Variants in CCDC60 observed in about 807,000 individuals in gnomAD.
The protein encoded by CCDC60 is coiled-coil domain containing 60.
A neutral mutation model predicts 63.5 loss-of-function variants in CCDC60; 54 were observed. The observed-to-expected ratio is 0.85, with a 90% CI of 0.68 to 1.07. CCDC60 has a LOEUF of 1.07. Ranked by LOEUF, CCDC60 falls within the 50% of genes least tolerant of loss-of-function variation. CCDC60 has a pLI of 0.00. For missense variants in CCDC60, 651 were observed against 684.3 expected, an observed-to-expected ratio of 0.95 and a Z score of 0.54; for synonymous variants, 206 against 238.8, an observed-to-expected ratio of 0.86 and a Z score of 1.27.
At chr12:119,451,472 CCT>C (rs1950634991) in intron 2 of CCDC60, among the ~76,000 whole-genome samples, 1 of 143,102 alleles carries the variant, frequency 7.0e-6, no homozygotes, top group African/African-American at 2.5e-5. Context: ...CCTCTCTGGG[CCT>C]CAGTTTCCCC....
At chr12:119,352,189 A>C (rs1428270985) in intron 1 of CCDC60, among the ~76,000 whole-genome samples, 1 of 152,186 alleles carries the variant, frequency 6.6e-6, no homozygotes, top group Non-Finnish European at 1.5e-5. Context: ...ATGAGAATTC[A>C]TTCACTATTG....
At chr12:119,418,386 C>CTTTTTTTTTTTTTTTTTTTTTTTTT (rs556783132) in intron 1 of CCDC60, among the ~76,000 whole-genome samples, 9 of 65,752 alleles carry the variant, frequency 1.4e-4, no homozygotes, top group Admixed American at 4.1e-4. Flanking sequence ...TTCTTTCTTT[C>CTTTTTTTTTTTTTTTTTTTTTTTTT]TTTTTTTTTT....
rs376614781 is a variant in CCDC60 at position 119,505,538 on chromosome 12, A to G, written c.883+235A>G. Among the ~76,000 whole-genome samples, 133 of 152,378 alleles carry G rather than the reference A, an allele frequency of 8.7e-4. 2 individuals are homozygous for G. The Middle Eastern group carries it at 0.02, about 23-fold the overall frequency. ...CTACAGAGACAGCCTGTGGTCACCA[A>G]CTGCCCTTTTCTAATTTTAAAAATA... On this transcript the variant is annotated intron_variant, in intron 7 of 13. Transcript: ENST00000327554.
chr12:119,517,922 T>C (rs1359611022), intron 8 of CCDC60, among the ~76,000 whole-genome samples: 1 of 152,180 alleles, frequency 6.6e-6, no homozygotes, highest in East Asian at 1.9e-4. Context: ...AGGTGTGGAT[T>C]CCTTTGAGTA....
chr12:119,440,887 C>A (rs565582073), intron 2 of CCDC60, among the ~76,000 whole-genome samples: 3 of 152,314 alleles, frequency 2.0e-5, no homozygotes, highest in African/African-American at 7.2e-5. Context: ...CTCTCTCTCC[C>A]AAGGCTGTGA....
At chr12:119,448,314 C>T (rs1593102692) in intron 2 of CCDC60, among the ~76,000 whole-genome samples, 1 of 152,210 alleles carries the variant, frequency 6.6e-6, no homozygotes, top group South Asian at 2.1e-4. Flanking sequence ...TTTAAAGAGG[C>T]GATGACTCCA....
At chr12:119,533,753 C>G (rs1241805486) in intron 13 of CCDC60, among the ~76,000 whole-genome samples, 2 of 151,950 alleles carry the variant, frequency 1.3e-5, no homozygotes, top group African/African-American at 2.4e-5. Flanking sequence ...TTTTCTGAGG[C>G]CTCTGTTCTG....
At chr12:119,522,521 T>G (rs374962729) in intron 9 of CCDC60, among the ~76,000 whole-genome samples, 3 of 152,188 alleles carry the variant, frequency 2.0e-5, no homozygotes, top group East Asian at 1.9e-4. Flanking sequence ...TGTTAAGTGT[T>G]GGGCATGGAG....
chr12:119,384,687 T>C (rs1253345087), intron 1 of CCDC60, among the ~76,000 whole-genome samples: 1 of 152,234 alleles, frequency 6.6e-6, no homozygotes, highest in Non-Finnish European at 1.5e-5. Flanking sequence ...TGCAAGGGGC[T>C]GGTCCTGGGA....
chr12:119,488,076 A>C (rs1318507067), intron 4 of CCDC60, among the ~76,000 whole-genome samples: 1 of 152,190 alleles, frequency 6.6e-6, no homozygotes, highest in Non-Finnish European at 1.5e-5. Flanking sequence ...TCAGCCTCTC[A>C]AAGTGCTGGG....
chr12:119,389,646 A>G (rs927742254), intron 1 of CCDC60, among the ~76,000 whole-genome samples: 1 of 152,158 alleles, frequency 6.6e-6, no homozygotes, highest in South Asian at 2.1e-4. Context: ...CTTAGAAAAG[A>G]AGCAAGTAGA....
At chr12:119,347,321 C>T (rs1456750482) in intron 1 of CCDC60, among the ~76,000 whole-genome samples, 5 of 152,164 alleles carry the variant, frequency 3.3e-5, no homozygotes, top group Middle Eastern at 3.4e-3. Flanking sequence ...TGTTGATAAT[C>T]GTAAACAGCT....
chr12:119,465,757 C>A (rs375082356), intron 2 of CCDC60, among the ~76,000 whole-genome samples: 19 of 146,220 alleles, frequency 1.3e-4, no homozygotes, highest in South Asian at 2.2e-4. Context: ...GACTTCATCT[C>A]AAAAAAAAAA....
intron 1 of CCDC60, among the ~76,000 whole-genome samples, chr12:119,377,550 C>T (rs1955965973): frequency 6.6e-6 from 1 of 152,140 alleles, no homozygotes; most frequent in Non-Finnish European, 1.5e-5. Context: ...CCAGAAGTAA[C>T]AACTGGTCAC....
At chr12:119,440,511 C>T (rs1749097115) in intron 2 of CCDC60, among the ~76,000 whole-genome samples, 1 of 152,082 alleles carries the variant, frequency 6.6e-6, no homozygotes, top group South Asian at 2.1e-4. Flanking sequence ...GCCTGGGTGA[C>T]AGAGTGAGAC....
At chr12:119,434,211 G>A (rs1354795151) in intron 2 of CCDC60, among the ~76,000 whole-genome samples, 2 of 152,134 alleles carry the variant, frequency 1.3e-5, no homozygotes, top group African/African-American at 4.8e-5. Context: ...GCTGTGTTTG[G>A]TAGACAGCTG....
At position 119,443,806 on chromosome 12, in the gene CCDC60, CT is replaced by C. The variant is rs759401587; in HGVS notation, c.170+15049del. 6.6e-5 allele frequency among the ~76,000 whole-genome samples: 10 copies of C among 152,302 alleles called. No homozygotes were observed. The East Asian group carries it at 1.9e-3, about 29-fold the overall frequency. ...GAATCCTGGCTCTACCACCTACTAG[CT>C]TTTTGAGTATGGATGAGTTACCTAA... is the stretch of plus-strand genomic sequence containing the variant. On this transcript the variant is annotated intron_variant, in intron 2 of 13. Coordinates refer to ENST00000327554, the MANE Select transcript of CCDC60 (RefSeq NM_178499.5).
chr12:119,452,821 T>TG (rs1555244715), intron 2 of CCDC60, among the ~76,000 whole-genome samples: 1 of 151,866 alleles, frequency 6.6e-6, no homozygotes, highest in African/African-American at 2.4e-5. Flanking sequence ...CTTGTTTTTT[T>TG]TTTGTTTGTT....
At chr12:119,337,826 G>GTGTGTGTGTGTATT (rs1955488730) in intron 1 of CCDC60, among the ~76,000 whole-genome samples, 1 of 43,862 alleles carries the variant, frequency 2.3e-5, no homozygotes, top group African/African-American at 6.5e-5. Flanking sequence ...GTGTGTATTT[G>GTGTGTGTGTGTATT]TGTGTGTGTG....
Sources: gnomAD v4.1 joint callset for allele counts (sites outside exome capture counted in the v4.1 genomes callset) on GRCh38, gnomAD v4.1.1 for gene constraint, MANE v1.5 for transcripts, NCBI Gene and HGNC (gene_info 2026-07-23, HGNC 2026-07-21) for gene names.